SLC4A4: variants seen among roughly 807,000 people sequenced by gnomAD.
SLC4A4 encodes solute carrier family 4 member 4.
A neutral mutation model predicts 111.5 loss-of-function variants in SLC4A4; 27 were observed. The ratio of observed to expected loss-of-function variants is 0.24; its 90% CI spans 0.18 to 0.33. The LOEUF (loss-of-function observed/expected upper bound fraction) is 0.33. SLC4A4 is among the 10% of genes least tolerant of loss of function. The pLI is 1.00. For missense variants in SLC4A4, 909 were observed against 1,315.5 expected, an observed-to-expected ratio of 0.69 and a Z score of 4.78; for synonymous variants, 443 against 463.4, an observed-to-expected ratio of 0.96 and a Z score of 0.57.
intron 3 of SLC4A4, among the ~76,000 whole-genome samples, chr4:71,272,055 A>G (rs748518645): frequency 2.0e-5 from 3 of 152,230 alleles, no homozygotes; most frequent in Non-Finnish European, 4.4e-5. Context: ...TCACCATTCT[A>G]TTCATGCTGC....
intron 1 of SLC4A4, among the ~76,000 whole-genome samples, chr4:71,070,900 G>T (rs1741643260): frequency 6.6e-6 from 1 of 152,302 alleles, no homozygotes; most frequent in South Asian, 2.1e-4. Context: ...TCAGGTTTGT[G>T]AATAGCAGCA....
intron 6 of SLC4A4, among the ~76,000 whole-genome samples, chr4:71,365,346 C>G (rs1043259622): frequency 6.6e-6 from 1 of 152,086 alleles, no homozygotes; most frequent in Non-Finnish European, 1.5e-5. Flanking sequence ...TTAATAGAGC[C>G]ACGCTTGCAA....
chr4:71,528,136 A>G (rs182114567), intron 16 of SLC4A4, among the ~76,000 whole-genome samples: 1 of 152,094 alleles, frequency 6.6e-6, no homozygotes, highest in African/African-American at 2.4e-5. Context: ...TTGAAAAATT[A>G]TATTGGATAA....
intron 16 of SLC4A4, among the ~76,000 whole-genome samples, chr4:71,529,325 G>GA (rs1397274238): frequency 1.3e-5 from 2 of 151,666 alleles, no homozygotes; most frequent in East Asian, 1.9e-4. Context: ...ATATTTGTCT[G>GA]AAAAAAAATC....
intron 16 of SLC4A4, among the ~76,000 whole-genome samples, chr4:71,526,124 T>G (rs1321187818): frequency 2.0e-5 from 3 of 152,032 alleles, no homozygotes; most frequent in Non-Finnish European, 4.4e-5. Flanking sequence ...GAGTAAGACA[T>G]GAATAGCCTG....
At position 71,571,835 on chromosome 4, in the gene SLC4A4, A is replaced by C. The variant is rs1737949833; in HGVS notation, c.*4084A>C. The stretch of plus-strand genomic sequence containing the variant: ...TTAACTTTGGAGAGAGAAATGATGC[A>C]TCTTTTTATTTTAAATGAAGTAGAT... On this transcript the variant is annotated 3_prime_UTR_variant, in exon 26 of 26. Coordinates refer to ENST00000264485, the MANE Select transcript of SLC4A4 (RefSeq NM_001098484.3). 6.6e-6 allele frequency: 1 copy of C among 152,288 alleles called. No individual in the cohort carries two copies. Among genetic ancestry groups the C allele is most frequent in the African/African-American group, 2.4e-5 (1 of 41,404 alleles). The allele number at this position is 152,288 out of a possible 1,614,324, so 9.4% of individuals were successfully genotyped here.
intron 6 of SLC4A4, among the ~76,000 whole-genome samples, chr4:71,383,943 A>G (rs543782345): frequency 3.5e-4 from 53 of 152,300 alleles, no homozygotes; most frequent in Non-Finnish European, 6.5e-4. Flanking sequence ...TGTAGCAGGT[A>G]ATGTTAGGCA....
At chr4:71,274,289 GGAA>G (rs932205981) in intron 3 of SLC4A4, among the ~76,000 whole-genome samples, 64 of 152,128 alleles carry the variant, frequency 4.2e-4, no homozygotes, top group Admixed American at 5.9e-4. Context: ...CTGAGGAGGA[GGAA>G]GAAGAAGAGC....
At chr4:71,255,117 G>C in intron 2 of SLC4A4, 103 bp from the exon 3 acceptor site, 1 of 1,131,904 alleles carries the variant, frequency 8.8e-7, no homozygotes, top group South Asian at 1.3e-5. Context: ...GAATGGTAAC[G>C]TTGAATTTAT....
At chr4:71,139,363 C>G (rs1743939620) in intron 2 of SLC4A4, among the ~76,000 whole-genome samples, 1 of 152,170 alleles carries the variant, frequency 6.6e-6, no homozygotes, top group Admixed American at 6.5e-5. Context: ...TCCTCTTCAT[C>G]CATTTACAAC....
upstream of SLC4A4, among the ~76,000 whole-genome samples, chr4:71,184,408 A>G (rs1294187430): frequency 6.6e-6 from 1 of 152,170 alleles, no homozygotes; most frequent in African/African-American, 2.4e-5. Flanking sequence ...TTGTCATCGA[A>G]ACAAAGGTCC....
At chr4:71,306,780 C>A (rs1725723536) in intron 3 of SLC4A4, among the ~76,000 whole-genome samples, 2 of 152,224 alleles carry the variant, frequency 1.3e-5, no homozygotes, top group Middle Eastern at 6.8e-3. Context: ...CAGTTACCTG[C>A]AAAAATAGAA....
In SLC4A4 at chr4:71,113,366, C is replaced by G. The variant is rs551547091; in HGVS notation, c.-2+20574C>G. Among the ~76,000 whole-genome samples, 32 of 152,296 alleles carry G rather than the reference C, an allele frequency of 2.1e-4. 1 individual carries two copies. In the South Asian group the frequency reaches 6.6e-3, roughly 32 times the overall value. On this transcript the variant is annotated intron_variant, in intron 2 of 26. Transcript: ENST00000649996. ...AACTGACACAAGGCCCCAGATACTT[C>G]ATTAGCAGAGTGGATTCCCCAGCCC... is the stretch of plus-strand genomic sequence containing the variant.
chr4:71,499,566 G>C (rs4435714), intron 16 of SLC4A4, among the ~76,000 whole-genome samples: 152,253 of 152,264 alleles, frequency 1, 76,121 homozygotes, highest in Middle Eastern at 1. Context: ...TACTTTGTAC[G>C]CTTTGACCAA....
intron 7 of SLC4A4, among the ~76,000 whole-genome samples, chr4:71,417,814 T>G (rs1200964795): frequency 6.6e-6 from 1 of 152,166 alleles, no homozygotes; most frequent in Non-Finnish European, 1.5e-5. Context: ...TTCTAAACTT[T>G]AGGTAGTAAA....
chr4:71,458,607 A>G (rs1409518261), intron 12 of SLC4A4, among the ~76,000 whole-genome samples: 1 of 152,092 alleles, frequency 6.6e-6, no homozygotes, highest in Non-Finnish European at 1.5e-5. Flanking sequence ...ATAATAAGGA[A>G]CATTTATAGT....
chr4:71,514,618 A>G (rs1380494147), intron 16 of SLC4A4, among the ~76,000 whole-genome samples: 1 of 152,206 alleles, frequency 6.6e-6, no homozygotes. Flanking sequence ...GAATCTATCT[A>G]GTCCTGGGAT....
chr4:71,337,359 C>A (rs777886939), intron 3 of SLC4A4, among the ~76,000 whole-genome samples: 1 of 152,044 alleles, frequency 6.6e-6, no homozygotes, highest in South Asian at 2.1e-4. Flanking sequence ...AAAATGGGAT[C>A]ATTTAATGTG....
chr4:71,249,583 A>C (rs1019437188), intron 2 of SLC4A4, among the ~76,000 whole-genome samples: 9 of 152,140 alleles, frequency 5.9e-5, no homozygotes, highest in African/African-American at 9.7e-5. Context: ...TGAGAATAAT[A>C]AGCTAACAAA....
Sources: allele counts gnomAD v4.1 joint callset (sites outside exome capture counted in the v4.1 genomes callset), GRCh38; gene constraint gnomAD v4.1.1; transcripts MANE v1.5; gene names NCBI Gene and HGNC (gene_info 2026-07-23, HGNC 2026-07-21).